KIRREL2: variants seen among roughly 807,000 people sequenced by gnomAD.
KIRREL2 encodes kirre like nephrin family adhesion molecule 2.
In KIRREL2, 56 loss-of-function variants were observed where a neutral mutation model predicts 73.4. That is an observed-to-expected ratio of 0.76 (90% confidence interval 0.62 to 0.95). The LOEUF is 0.95. Ranked by LOEUF, KIRREL2 falls within the 40% of genes least tolerant of loss-of-function variation. The pLI, the probability that KIRREL2 is intolerant of heterozygous loss-of-function variation, is 0.00. For missense variants in KIRREL2, 896 were observed against 935.0 expected, an observed-to-expected ratio of 0.96 and a Z score of 0.54; for synonymous variants, 407 against 404.0, an observed-to-expected ratio of 1.01 and a Z score of -0.09.
upstream of KIRREL2, among the ~76,000 whole-genome samples, chr19:35,853,837 A>ATT (rs759219505): frequency 2.2e-3 from 150 of 69,432 alleles, 8 homozygotes; most frequent in Middle Eastern, 0.012. Context: ...CACTCTGGCT[A>ATT]TTTTTTTTTT....
At chr19:35,856,864 G>A (rs910435346), upstream of KIRREL2, 2 of 562,616 alleles carry the variant, frequency 3.6e-6, no homozygotes, top group South Asian at 2.1e-5. This position sits in a 1 kb window ranked among gnomAD's most constrained non-coding sequence, Gnocchi z 5.9. Context: ...CTCCCGGGGG[G>A]CGGACCCGGG....
upstream of KIRREL2, among the ~76,000 whole-genome samples, chr19:35,853,611 CT>C (rs1232999480): frequency 2.0e-5 from 3 of 152,122 alleles, no homozygotes; most frequent in Admixed American, 1.3e-4. Context: ...TCAGGTGATC[CT>C]CCTGCCTCAG....
chr19:35,856,025 TAAGA>T (rs1973410254), upstream of KIRREL2: 1 of 152,274 alleles, frequency 6.6e-6, no homozygotes, highest in Non-Finnish European at 1.5e-5. The surrounding 1 kb of genome is among the most constrained non-coding windows in gnomAD (Gnocchi z 5.9). Context: ...AGTCTGAGCC[TAAGA>T]ACAGTGGAGA....
At chr19:35,853,603 A>G (rs1156483141), upstream of KIRREL2, among the ~76,000 whole-genome samples, 1 of 152,106 alleles carries the variant, frequency 6.6e-6, no homozygotes, top group Non-Finnish European at 1.5e-5. Context: ...TCCTGGGCTC[A>G]GGTGATCCTC....
chr19:35,858,519 C>T lies in KIRREL2; in HGVS notation c.323C>T (p.Ala108Val). ...EASYECQATQAGLRSRPAQLH... is the reference protein window; with the variant it reads ...EASYECQATQVGLRSRPAQLH... ...TCATATGAATGTCAGGCTACACAAGCAGGCCTCCGCTCCAGACCAGCCCAA... is the reference window on the plus strand; with the variant it reads ...TCATATGAATGTCAGGCTACACAAGTAGGCCTCCGCTCCAGACCAGCCCAA... Residue 108 changes from alanine (A) to valine (V), a missense_variant, in exon 3 of 15, where the codon GCA (alanine) becomes GTA (valine). Transcript: ENST00000360202. 1 of 1,614,176 alleles carries T rather than the reference C, an allele frequency of 6.2e-7. No homozygotes were observed. The highest frequency in any genetic ancestry group is 2.2e-5 in the East Asian group (1 of 44,886).
At chr19:35,856,899 T>C (rs1411633230), upstream of KIRREL2, 5 of 631,918 alleles carry the variant, frequency 7.9e-6, no homozygotes, top group South Asian at 3.7e-5. The surrounding 1 kb of genome is among the most constrained non-coding windows in gnomAD (Gnocchi z 5.9). Context: ...TCGGGCCCTC[T>C]TGGGGTCTCC....
At position 35,864,782 on chromosome 19, in the gene KIRREL2, G is replaced by A. The variant is rs373868008; in HGVS notation, c.1791+69G>A. On this transcript the variant is annotated intron_variant, in intron 14 of 14. Coordinates refer to ENST00000360202, the MANE Select transcript of KIRREL2 (RefSeq NM_199180.4). The stretch of plus-strand genomic sequence containing the variant: ...GCGGGGCTCCCTTCATTGTGTTTCC[G>A]TCTCTCTCCCACGCCTGTCCCCTCC... 65 of 1,244,138 alleles carry A rather than the reference G, an allele frequency of 5.2e-5. 1 individual carries two copies. The highest frequency in any genetic ancestry group is 3.9e-4 in the Middle Eastern group (2 of 5,190). 77.1% of individuals were successfully genotyped at this position (1,244,138 alleles called of 1,614,324 possible).
chr19:35,867,085 T>C lies in KIRREL2; in HGVS notation c.*593T>C, dbSNP rs1476658345. On this transcript the variant is annotated 3_prime_UTR_variant, in exon 15 of 15. Coordinates refer to ENST00000360202, the MANE Select transcript of KIRREL2 (RefSeq NM_199180.4). ...GAGAATTACCACTGTTGGGGCAAAATATTGGGATAAAAATATTTATGTTTA... is the reference window on the plus strand; with the variant it reads ...GAGAATTACCACTGTTGGGGCAAAACATTGGGATAAAAATATTTATGTTTA... The C allele has an allele frequency of 3.9e-5, 6 of 152,564 alleles. No individual in the cohort carries two copies. Among genetic ancestry groups the C allele is most frequent in the African/African-American group, 9.7e-5 (4 of 41,308 alleles). The allele number at this position is 152,564 out of a possible 1,614,324, so 9.5% of individuals were successfully genotyped here.
At chr19:35,851,609 A>T, upstream of KIRREL2, 2 of 1,612,574 alleles carry the variant, frequency 1.2e-6, no homozygotes, top group Non-Finnish European at 1.7e-6. Flanking sequence ...CACCACCGTC[A>T]GGTTTTCAGG....
chr19:35,859,423 A>G (rs1973566084), intron 4 of KIRREL2, 58 bp from the exon 5 acceptor site: 2 of 1,530,030 alleles, frequency 1.3e-6, no homozygotes, highest in African/African-American at 1.4e-5. Flanking sequence ...CAGGAAAGCC[A>G]AAAGATTGGA....
chr19:35,859,146 A>G (rs1973556251), intron 4 of KIRREL2, among the ~76,000 whole-genome samples: 1 of 152,206 alleles, frequency 6.6e-6, no homozygotes, highest in African/African-American at 2.4e-5. Context: ...CATGCATGTC[A>G]TAGGGTATTG....
chr19:35,863,020 G>A lies in KIRREL2; in HGVS notation c.1709G>A (p.Gly570Asp), dbSNP rs1403563777. 6.3e-7 allele frequency: 1 copy of A among 1,581,766 alleles called. No homozygotes were observed. Among genetic ancestry groups the A allele is most frequent in the Non-Finnish European group, 8.6e-7 (1 of 1,162,886 alleles). The part of the protein sequence containing the change: ...SSRGPEEEET[G>D]SREDRGPIVH... ...CGAGGTCCTGAAGAAGAGGAGACAG[G>A]CAGCCGCGAGGACCGGGTAGGATGC... The change falls in exon 13 of 15, where the codon GGC becomes GAC. Residue 570 changes from glycine (G) to aspartate (D), a missense_variant. By Grantham distance (94) the Gly-to-Asp change is moderately conservative. Coordinates refer to ENST00000360202, the MANE Select transcript of KIRREL2 (RefSeq NM_199180.4).
upstream of KIRREL2, chr19:35,856,776 C>T (rs1973438586): frequency 2.4e-6 from 1 of 423,164 alleles, no homozygotes; most frequent in South Asian, 2.3e-5. This position sits in a 1 kb window ranked among gnomAD's most constrained non-coding sequence, Gnocchi z 5.9. Flanking sequence ...GGCGCCCACC[C>T]GCCGGGGGAT....
At chr19:35,854,475 C>A (rs1973361416), upstream of KIRREL2, among the ~76,000 whole-genome samples, 2 of 151,826 alleles carry the variant, frequency 1.3e-5, no homozygotes, top group Non-Finnish European at 2.9e-5. Context: ...GCATGCGCCA[C>A]CACGCCTGGC....
chr19:35,861,447 G>T, intron 9 of KIRREL2, 94 bp from the exon 10 acceptor site: 1 of 1,474,160 alleles, frequency 6.8e-7, no homozygotes, highest in African/African-American at 1.4e-5. Flanking sequence ...ATTGATTGAG[G>T]TTAGCGGAGA....
At chr19:35,860,212 T>C in intron 5 of KIRREL2, 85 bp from the exon 6 acceptor site, 1 of 1,115,464 alleles carries the variant, frequency 9.0e-7, no homozygotes, top group Middle Eastern at 2.0e-4. Context: ...ACTCCTGGGA[T>C]GGAGGAACCA....
Position 35,866,294 on chromosome 19 carries a change from C to T in KIRREL2, c.1929C>T (p.Asn643=). Residue 643 remains asparagine, a synonymous_variant, in exon 15 of 15, where the codon AAC becomes AAT. Coordinates refer to ENST00000360202, the MANE Select transcript of KIRREL2 (RefSeq NM_199180.4). ...PPGTPTFYDF[N]PHLGMVPPCR... is the part of the protein sequence containing the mutation. ...GGACCCCTACCTTCTATGACTTCAA[C>T]CCACACCTGGGCATGGTCCCCCCCT... 1 of 1,612,948 alleles carries T rather than the reference C, an allele frequency of 6.2e-7. No individual in the cohort carries two copies. The highest frequency in any genetic ancestry group is 8.5e-7 in the Non-Finnish European group (1 of 1,179,070).
At chr19:35,856,353 C>T (rs1973423652), upstream of KIRREL2, among the ~76,000 whole-genome samples, 1 of 152,218 alleles carries the variant, frequency 6.6e-6, no homozygotes. This position sits in a 1 kb window ranked among gnomAD's most constrained non-coding sequence, Gnocchi z 5.9. Flanking sequence ...GGCCGAGGGC[C>T]TGGATTCCTG....
intron 13 of KIRREL2, among the ~76,000 whole-genome samples, chr19:35,864,217 G>A (rs1352136715): frequency 6.7e-6 from 1 of 149,612 alleles, no homozygotes; most frequent in Admixed American, 6.6e-5. Flanking sequence ...TTGAGATAGA[G>A]TCTTGCTCTG....
Sources: allele counts gnomAD v4.1 joint callset (sites outside exome capture counted in the v4.1 genomes callset), GRCh38; gene constraint gnomAD v4.1.1; non-coding constraint Gnocchi (gnomAD v3.1); transcripts MANE v1.5; gene names NCBI Gene and HGNC (gene_info 2026-07-23, HGNC 2026-07-21).